Variants in CMTM8 observed in about 807,000 individuals in gnomAD.
CMTM8 encodes CKLF-like MARVEL transmembrane domain-containing protein 8.
Under a neutral mutation model 18.6 loss-of-function variants are expected in CMTM8, and 12 were observed. The ratio of observed to expected loss-of-function variants is 0.65; its 90% CI spans 0.41 to 1.05. The LOEUF is 1.05. CMTM8 is among the 50% of genes least tolerant of loss of function. CMTM8 has a pLI of 0.00. For missense variants in CMTM8, 217 were observed against 227.2 expected, an observed-to-expected ratio of 0.95 and a Z score of 0.29; for synonymous variants, 87 against 90.6, an observed-to-expected ratio of 0.96 and a Z score of 0.23.
At chr3:32,335,651 C>G (rs934999011) in intron 1 of CMTM8, among the ~76,000 whole-genome samples, 1 of 152,092 alleles carries the variant, frequency 6.6e-6, no homozygotes, top group African/African-American at 2.4e-5. Context: ...ACAGATGTGT[C>G]GAAGGTCACC....
intron 1 of CMTM8, among the ~76,000 whole-genome samples, chr3:32,344,572 A>G (rs563489874): frequency 6.6e-6 from 1 of 152,338 alleles, no homozygotes; most frequent in East Asian, 1.9e-4. Flanking sequence ...GGGAGTCCTC[A>G]GGGACAAACT....
At chr3:32,330,837 A>T (rs1696261737) in intron 1 of CMTM8, among the ~76,000 whole-genome samples, 1 of 152,218 alleles carries the variant, frequency 6.6e-6, no homozygotes, top group African/African-American at 2.4e-5. Flanking sequence ...TATAAAAATT[A>T]ACTAAAATAA....
intron 1 of CMTM8, among the ~76,000 whole-genome samples, chr3:32,343,153 G>A (rs1309760595): frequency 1.3e-5 from 2 of 152,208 alleles, no homozygotes; most frequent in Non-Finnish European, 2.9e-5. Flanking sequence ...GCCGCTGAAC[G>A]CTAGTTCTGC....
chr3:32,308,039 AGG>A, intron 1 of CMTM8, among the ~76,000 whole-genome samples: 1 of 152,264 alleles, frequency 6.6e-6, no homozygotes, highest in Non-Finnish European at 1.5e-5. Flanking sequence ...TCAATTCAAA[AGG>A]AGAAGAGAGC....
chr3:32,279,964 G>A (rs1398266971), intron 1 of CMTM8, among the ~76,000 whole-genome samples: 1 of 151,822 alleles, frequency 6.6e-6, no homozygotes, highest in Non-Finnish European at 1.5e-5. Context: ...TTTTTTGGCT[G>A]CATAAATGTC....
intron 1 of CMTM8, among the ~76,000 whole-genome samples, chr3:32,354,066 G>A (rs1696764670): frequency 6.6e-6 from 1 of 151,866 alleles, no homozygotes; most frequent in African/African-American, 2.4e-5. Flanking sequence ...TTACAGGTGT[G>A]AGCCACCATG....
intron 1 of CMTM8, among the ~76,000 whole-genome samples, chr3:32,295,940 T>C (rs1702871347): frequency 6.6e-6 from 1 of 152,184 alleles, no homozygotes; most frequent in African/African-American, 2.4e-5. Context: ...CTACCTGTTA[T>C]TCCACTTGCC....
chr3:32,358,240 A>G lies in CMTM8; in HGVS notation c.321+694A>G, dbSNP rs1346946544. On this transcript the variant is annotated intron_variant, in intron 2 of 3. Transcript: ENST00000307526. The surrounding 1 kb of genome is among the most constrained non-coding windows in gnomAD (Gnocchi z 4.1). ...CCACCTCAGCTTAGGATGGCTGGGA[A>G]CTCTTCAGAGAGGAAGTGACATTTA... Among the ~76,000 whole-genome samples, 1 of 152,160 alleles carries G rather than the reference A, an allele frequency of 6.6e-6. No homozygotes were observed. Among genetic ancestry groups the G allele is most frequent in the Non-Finnish European group, 1.5e-5 (1 of 68,036 alleles).
chr3:32,364,752 C>T (rs1433112204), intron 2 of CMTM8, among the ~76,000 whole-genome samples: 8 of 152,114 alleles, frequency 5.3e-5, no homozygotes, highest in Non-Finnish European at 1.2e-4. Flanking sequence ...AAAATCTTGC[C>T]TTCTTAGCTG....
At chr3:32,251,420 C>T (rs1254848410) in intron 1 of CMTM8, among the ~76,000 whole-genome samples, 1 of 151,824 alleles carries the variant, frequency 6.6e-6, no homozygotes, top group Non-Finnish European at 1.5e-5. Flanking sequence ...CTCAGGTGAT[C>T]CTCCCACCTC....
chr3:32,357,351 C>A, intron 1 of CMTM8, 22 bp from the exon 2 acceptor site: 4 of 1,605,330 alleles, frequency 2.5e-6, no homozygotes, highest in Non-Finnish European at 3.4e-6. Flanking sequence ...CTCCTCTCTC[C>A]ACTGCTTCTA....
intron 1 of CMTM8, among the ~76,000 whole-genome samples, chr3:32,266,352 A>C (rs1702343435): frequency 6.6e-6 from 1 of 152,210 alleles, no homozygotes. Flanking sequence ...AATGACAAAA[A>C]CCACATGATT....
intron 1 of CMTM8, among the ~76,000 whole-genome samples, chr3:32,327,806 A>C (rs1696191846): frequency 6.6e-6 from 1 of 152,272 alleles, no homozygotes; most frequent in Non-Finnish European, 1.5e-5. Flanking sequence ...TTCTCCATGC[A>C]GATTCTTTTC....
chr3:32,360,591 A>G (rs1188914202), intron 2 of CMTM8, among the ~76,000 whole-genome samples: 3 of 152,262 alleles, frequency 2.0e-5, no homozygotes, highest in Non-Finnish European at 4.4e-5. Flanking sequence ...CTCTTACAGA[A>G]CAGCCTGTGG....
chr3:32,259,003 C>A, intron 1 of CMTM8: 1 of 348,310 alleles, frequency 2.9e-6, no homozygotes, highest in Non-Finnish European at 5.5e-6. Context: ...TGTCCAGGGG[C>A]CCAGCTACTG....
At chr3:32,238,227 G>T (rs954378067), upstream of CMTM8, 2 of 152,328 alleles carry the variant, frequency 1.3e-5, no homozygotes, top group Admixed American at 6.5e-5. Context: ...CGGGTCTAAG[G>T]TCCGGCCGGG....
intron 1 of CMTM8, among the ~76,000 whole-genome samples, chr3:32,313,931 C>G (rs1226231650): frequency 6.6e-6 from 1 of 152,028 alleles, no homozygotes; most frequent in Non-Finnish European, 1.5e-5. Context: ...GAGGTTGAGG[C>G]TACAGTGAGC....
chr3:32,293,077 G>GTGTGTGTGTATA (rs148004069), intron 1 of CMTM8, among the ~76,000 whole-genome samples: 35 of 145,778 alleles, frequency 2.4e-4, no homozygotes, highest in East Asian at 1.6e-3. Flanking sequence ...ATATGTGTGT[G>GTGTGTGTGTATA]TATATATATA....
Position 32,348,529 on chromosome 3 carries a change from C to CTTTTTTTTTTTTTTTTTTTTT in CMTM8, c.148-8831_148-8830insTTTTTTTTTTTTTTTTTTTTT, listed in dbSNP as rs56252781. ...TTTTCTTCACTCTCTCTTCCTGGAA[C>CTTTTTTTTTTTTTTTTTTTTT]TTTTTTTTTTTTTGGAGACAAGATC... On this transcript the variant is annotated intron_variant, in intron 1 of 3. Transcript: ENST00000307526. Among the ~76,000 whole-genome samples, 36 of 102,044 alleles carry CTTTTTTTTTTTTTTTTTTTTT rather than the reference C, an allele frequency of 3.5e-4. 1 individual carries two copies. The highest frequency in any genetic ancestry group is 7.5e-3 in the Middle Eastern group (1 of 134). 66.9% of individuals were successfully genotyped at this position (102,044 alleles called of 152,430 possible).
Sources: allele counts gnomAD v4.1 joint callset (sites outside exome capture counted in the v4.1 genomes callset), GRCh38; gene constraint gnomAD v4.1.1; non-coding constraint Gnocchi (gnomAD v3.1); transcripts MANE v1.5; gene names NCBI Gene and HGNC (gene_info 2026-07-23, HGNC 2026-07-21).